The following IST1 variants were observed in gnomAD, a reference collection of about 807,000 sequenced individuals.
IST1 encodes IST1 homolog.
In IST1, 23 loss-of-function variants were observed where a neutral mutation model predicts 37.0. The observed-to-expected ratio is 0.62, with a 90% CI of 0.45 to 0.88. The LOEUF (loss-of-function observed/expected upper bound fraction) is 0.88, where lower values mean the gene tolerates loss of function less well. IST1 is among the 40% of genes least tolerant of loss of function. The probability of loss-of-function intolerance (pLI) is 0.00; values close to 1 mark genes in which losing one functional copy is unlikely to be tolerated. For missense variants in IST1, 488 were observed against 445.4 expected, an observed-to-expected ratio of 1.10 and a Z score of -0.86; for synonymous variants, 180 against 161.7, an observed-to-expected ratio of 1.11 and a Z score of -0.86.
chr16:71,919,029 A>G (rs556506648), intron 4 of IST1, among the ~76,000 whole-genome samples: 16 of 152,178 alleles, frequency 1.1e-4, no homozygotes, highest in African/African-American at 9.6e-5. Context: ...TATTCTTCCT[A>G]TTCCTACTTT....
intron 1 of IST1, among the ~76,000 whole-genome samples, chr16:71,908,364 A>G (rs1391141674): frequency 8.1e-6 from 1 of 123,916 alleles, no homozygotes; most frequent in Non-Finnish European, 1.6e-5. Flanking sequence ...CAATGGCACG[A>G]TCTCGGCTCA....
Position 71,929,544 on chromosome 16 carries a change from T to G in IST1, c.*1731T>G. The G allele has an allele frequency of 6.4e-7, 1 of 1,550,530 alleles. No individual in the cohort carries two copies. Among genetic ancestry groups the G allele is most frequent in the Non-Finnish European group, 8.7e-7 (1 of 1,146,668 alleles). ...CAAGTAGGAGATAACAGGATTAAGGTAGTTCATCTAAAACTTCAGTGTCAC... is the reference window on the plus strand; with the variant it reads ...CAAGTAGGAGATAACAGGATTAAGGGAGTTCATCTAAAACTTCAGTGTCAC... On this transcript the variant is annotated 3_prime_UTR_variant, in exon 10 of 10. Coordinates refer to ENST00000378799, the MANE Select transcript of IST1 (RefSeq NM_001270975.2).
chr16:71,902,375 T>A (rs2037127590), intron 1 of IST1, among the ~76,000 whole-genome samples: 1 of 152,148 alleles, frequency 6.6e-6, no homozygotes, highest in Non-Finnish European at 1.5e-5. Flanking sequence ...GTTCAAGCAA[T>A]TCTTCTGCCT....
chr16:71,910,959 A>G (rs979168279), intron 1 of IST1, among the ~76,000 whole-genome samples: 2 of 152,072 alleles, frequency 1.3e-5, no homozygotes, highest in Non-Finnish European at 2.9e-5. Flanking sequence ...TGTGTATGCT[A>G]CTTTTCAGCT....
In IST1 at chr16:71,928,100, C is replaced by G. The variant is rs894872407; in HGVS notation, c.*287C>G. ...GTTTCCTCCTGGCCCGTCCCATGGT[C>G]CCTCCACAGGAGTGTGAGAGGATGG... On this transcript the variant is annotated 3_prime_UTR_variant, in exon 10 of 10. Coordinates refer to ENST00000378799, the MANE Select transcript of IST1 (RefSeq NM_001270975.2). The G allele has an allele frequency of 7.4e-6, 3 of 406,368 alleles. No individual in the cohort carries two copies. The highest frequency in any genetic ancestry group is 4.1e-5 in the African/African-American group (2 of 48,734). The allele number at this position is 406,368 out of a possible 1,614,324, so 25.2% of individuals were successfully genotyped here.
At chr16:71,894,993 C>T (rs2036932854), upstream of IST1, 3 of 639,336 alleles carry the variant, frequency 4.7e-6, no homozygotes, top group East Asian at 3.1e-5. Flanking sequence ...AACCGGACGG[C>T]TTAAAAGCGG....
intron 7 of IST1, 45 bp from the exon 8 acceptor site, chr16:71,923,243 C>T (rs1396836226): frequency 2.6e-6 from 3 of 1,168,766 alleles, no homozygotes; most frequent in Non-Finnish European, 3.8e-6. Context: ...TTCGAGATTG[C>T]AAACTGGAGG....
upstream of IST1, chr16:71,894,816 C>T (rs767340794): frequency 3.9e-6 from 6 of 1,533,176 alleles, no homozygotes; most frequent in Middle Eastern, 1.7e-4. Flanking sequence ...AAGGTCCCTT[C>T]CAGGCTTAAG....
intron 4 of IST1, among the ~76,000 whole-genome samples, chr16:71,919,069 A>G (rs1230894793): frequency 6.6e-6 from 1 of 152,166 alleles, no homozygotes; most frequent in East Asian, 1.9e-4. Flanking sequence ...ACACCATTCC[A>G]TCAGAACCAC....
At position 71,922,687 on chromosome 16, in the gene IST1, A is replaced by G. The variant is rs760760747; in HGVS notation, c.759+7A>G. The stretch of plus-strand genomic sequence containing the variant: ...TCCACTGCCAAAGGGACCAGTAAGT[A>G]TATATAAGTGTGGATGTAAGCTTTA... On this transcript the variant is annotated splice_region_variant and intron_variant, in intron 7 of 9. Transcript: ENST00000378799. 1.0e-4 allele frequency: 79 copies of G among 776,912 alleles called. No homozygotes were observed. The African/African-American group carries it at 1.2e-3, about 12-fold the overall frequency. The allele number at this position is 776,912 out of a possible 1,614,324, so 48.1% of individuals were successfully genotyped here.
chr16:71,919,963 G>C (rs895281628), intron 4 of IST1, among the ~76,000 whole-genome samples: 1 of 152,206 alleles, frequency 6.6e-6, no homozygotes, highest in African/African-American at 2.4e-5. Flanking sequence ...GCTCCTTGCA[G>C]ATGGAACAAT....
chr16:71,899,701 C>T (rs1350586339), intron 1 of IST1, among the ~76,000 whole-genome samples: 2 of 151,496 alleles, frequency 1.3e-5, no homozygotes, highest in African/African-American at 4.9e-5. Context: ...CATGGTGAAA[C>T]CCTGTCTCTA....
At chr16:71,911,127 G>C (rs992886282) in intron 1 of IST1, among the ~76,000 whole-genome samples, 2 of 152,124 alleles carry the variant, frequency 1.3e-5, no homozygotes, top group African/African-American at 4.8e-5. Flanking sequence ...TATAATCTCA[G>C]TTACTTGGGA....
chr16:71,898,187 C>T (rs1023791372), intron 1 of IST1, among the ~76,000 whole-genome samples: 1 of 151,426 alleles, frequency 6.6e-6, no homozygotes, highest in Non-Finnish European at 1.5e-5. Flanking sequence ...CCAGCCTGGC[C>T]AACATGGTAA....
chr16:71,924,877 A>G (rs562621203), intron 9 of IST1, 60 bp downstream of exon 9: 185 of 1,176,000 alleles, frequency 1.6e-4, no homozygotes, highest in Non-Finnish European at 2.1e-4. Flanking sequence ...CTGTTTTCTC[A>G]TTATTGTTCC....
rs531527239 is a variant in IST1, at chr16:71,918,609, G to C, written c.357+1475G>C. Among the ~76,000 whole-genome samples, 3 of 152,096 alleles carry C rather than the reference G, an allele frequency of 2.0e-5. No homozygotes were observed. In the East Asian group the frequency reaches 5.8e-4, roughly 29 times the overall value. ...TTTTTTGTATTTTTGGTAGAGACGG[G>C]ATTTCATCATGTTGACCAGGCTGGT... is the stretch of plus-strand genomic sequence containing the variant. On this transcript the variant is annotated intron_variant, in intron 4 of 9. Coordinates refer to ENST00000378799, the MANE Select transcript of IST1 (RefSeq NM_001270975.2).
At position 71,922,378 on chromosome 16, in the gene IST1, A is replaced by G. The variant is rs1036273894; in HGVS notation, c.553-96A>G. 8 of 1,003,312 alleles carry G rather than the reference A, an allele frequency of 8.0e-6. 1 individual carries two copies. The South Asian group carries it at 1.2e-4, about 15-fold the overall frequency. The allele number at this position is 1,003,312 out of a possible 1,614,324, so 62.2% of individuals were successfully genotyped here. A position where few individuals can be genotyped will look rare whatever the true frequency, so the allele number is the denominator to read the frequency against. On this transcript the variant is annotated intron_variant, in intron 6 of 9. Transcript: ENST00000378799. ...TGTTGATCCCAGAAGCACTCCAGTA[A>G]ACTTGCTTTATGCTAATCTCCATCT...
upstream of IST1, chr16:71,895,514 AG>A: frequency 1.0e-6 from 1 of 985,648 alleles, no homozygotes; most frequent in Non-Finnish European, 1.2e-6. Flanking sequence ...TGTTGTGCTG[AG>A]GCCGAGGGAG....
At chr16:71,921,524 A>ATT (rs2142583410) in intron 6 of IST1, 71 bp downstream of exon 6, 1 of 749,700 alleles carries the variant, frequency 1.3e-6, no homozygotes, top group Non-Finnish European at 2.1e-6. Flanking sequence ...CAAAAAAAAC[A>ATT]TTCTTTGCAC....
Sources: gnomAD v4.1 joint callset for allele counts (sites outside exome capture counted in the v4.1 genomes callset) on GRCh38, gnomAD v4.1.1 for gene constraint, MANE v1.5 for transcripts, NCBI Gene and HGNC (gene_info 2026-07-23, HGNC 2026-07-21) for gene names.